The following SLC39A11 variants were observed in gnomAD, a reference collection of about 807,000 sequenced individuals.
SLC39A11 encodes zinc transporter ZIP11.
Under a neutral mutation model 36.1 loss-of-function variants are expected in SLC39A11, and 33 were observed. The ratio of observed to expected loss-of-function variants is 0.91; its 90% CI spans 0.69 to 1.22. The LOEUF is 1.22. Ranked by LOEUF, SLC39A11 falls within the 50% of genes most tolerant of loss-of-function variation. SLC39A11 has a pLI of 0.00. For synonymous variants in SLC39A11, 166 were observed against 170.3 expected (o/e 0.97, Z 0.20); for missense variants, 432 against 430.3 (o/e 1.00, Z -0.03).
intron 7 of SLC39A11, among the ~76,000 whole-genome samples, chr17:72,660,409 C>T (rs781180118): frequency 6.6e-6 from 1 of 152,218 alleles, no homozygotes; most frequent in Admixed American, 6.5e-5. Context: ...TCATGAGCAG[C>T]TTTCACCATT....
chr17:73,036,308 C>T (rs996198761), intron 3 of SLC39A11, among the ~76,000 whole-genome samples: 5 of 152,140 alleles, frequency 3.3e-5, no homozygotes, highest in African/African-American at 9.7e-5. Context: ...CTGACATAGG[C>T]CTACCTGTCC....
intron 3 of SLC39A11, among the ~76,000 whole-genome samples, chr17:73,042,442 C>T (rs1217308801): frequency 2.0e-5 from 3 of 152,148 alleles, no homozygotes; most frequent in African/African-American, 7.2e-5. Context: ...AGACTCTAAC[C>T]TCAAGGAGGT....
At chr17:72,908,986 G>A (rs894887210) in intron 5 of SLC39A11, among the ~76,000 whole-genome samples, 3 of 152,288 alleles carry the variant, frequency 2.0e-5, no homozygotes, top group South Asian at 2.1e-4. Flanking sequence ...ACATTCAAAC[G>A]GAACCCCAAA....
rs574057838 is a variant in SLC39A11, at chr17:72,815,056, G to T, written c.601+34578C>A. 2.0e-5 allele frequency among the ~76,000 whole-genome samples: 3 copies of T among 152,326 alleles called. 1 individual carries two copies. The highest frequency in any genetic ancestry group is 7.2e-5 in the African/African-American group (3 of 41,578). On this transcript the variant is annotated intron_variant, in intron 6 of 9. Transcript: ENST00000255559. ...ACCCACATCTTGTCCACTGCAGGCT[G>T]CCAAGGCTAAAGCAACCCAGGAGTT...
chr17:72,705,984 T>C lies in SLC39A11; in HGVS notation c.671+30666A>G, dbSNP rs372113030. ...TTTTATTCCAAGGCCCCCAGAAAAC[T>C]TTCAGCTATTTTCTGGTCCCCAGGA... On this transcript the variant is annotated intron_variant, in intron 7 of 9. Coordinates refer to ENST00000255559, the MANE Select transcript of SLC39A11 (RefSeq NM_139177.4). Among the ~76,000 whole-genome samples, 247 of 152,292 alleles carry C rather than the reference T, an allele frequency of 1.6e-3. 1 individual carries two copies. Among genetic ancestry groups the C allele is most frequent in the Non-Finnish European group, 2.8e-3 (188 of 68,028 alleles).
At chr17:72,801,379 C>T (rs1298166297) in intron 6 of SLC39A11, among the ~76,000 whole-genome samples, 5 of 152,208 alleles carry the variant, frequency 3.3e-5, no homozygotes, top group Non-Finnish European at 2.9e-5. Context: ...TGCCATGACA[C>T]CTGGCTAACT....
At chr17:73,040,384 T>A (rs192808191) in intron 3 of SLC39A11, among the ~76,000 whole-genome samples, 76 of 152,328 alleles carry the variant, frequency 5.0e-4, no homozygotes, top group African/African-American at 1.8e-3. Flanking sequence ...TACGCCTCCC[T>A]CTGCTGTAAA....
chr17:73,070,648 A>C (rs2015294), intron 3 of SLC39A11, among the ~76,000 whole-genome samples: 1 of 151,934 alleles, frequency 6.6e-6, no homozygotes, highest in East Asian at 1.9e-4. Flanking sequence ...CCTTATCTTC[A>C]ATTGTAGCTT....
At chr17:72,943,199 G>A (rs575890288) in intron 5 of SLC39A11, among the ~76,000 whole-genome samples, 9 of 152,322 alleles carry the variant, frequency 5.9e-5, no homozygotes, top group South Asian at 2.1e-4. Context: ...TTGCTGATCC[G>A]GGGTTGGGCA....
chr17:72,920,305 T>A (rs2083581583), intron 5 of SLC39A11, among the ~76,000 whole-genome samples: 1 of 146,176 alleles, frequency 6.8e-6, no homozygotes, highest in African/African-American at 2.5e-5. Context: ...CTAGGACTTC[T>A]GAAGGCTTGT....
intron 3 of SLC39A11, among the ~76,000 whole-genome samples, chr17:73,076,563 A>G (rs2060326269): frequency 6.6e-6 from 1 of 152,154 alleles, no homozygotes; most frequent in South Asian, 2.1e-4. Context: ...GCAAGGTACA[A>G]TGGGACCCCG....
chr17:72,927,381 A>G (rs1308547350), intron 5 of SLC39A11, among the ~76,000 whole-genome samples: 1 of 152,180 alleles, frequency 6.6e-6, no homozygotes, highest in Non-Finnish European at 1.5e-5. Flanking sequence ...GATTTGAACC[A>G]GTGTTCACTG....
At chr17:73,052,695 C>T (rs758063040) in intron 3 of SLC39A11, among the ~76,000 whole-genome samples, 2 of 152,128 alleles carry the variant, frequency 1.3e-5, no homozygotes. Context: ...GAAAAGAGGG[C>T]AGGACCATGG....
chr17:72,800,863 C>T (rs1391710850), intron 6 of SLC39A11, among the ~76,000 whole-genome samples: 1 of 152,000 alleles, frequency 6.6e-6, no homozygotes, highest in Non-Finnish European at 1.5e-5. Context: ...AGAATTTAGA[C>T]AGAATGAAAA....
intron 4 of SLC39A11, among the ~76,000 whole-genome samples, chr17:72,985,532 C>T (rs1474018694): frequency 1.3e-5 from 2 of 151,476 alleles, no homozygotes; most frequent in Non-Finnish European, 2.9e-5. Context: ...CCTGCCTCAG[C>T]CTCCCGAGTA....
intron 7 of SLC39A11, among the ~76,000 whole-genome samples, chr17:72,706,684 C>T (rs2072907090): frequency 1.3e-5 from 2 of 152,214 alleles, no homozygotes; most frequent in Non-Finnish European, 2.9e-5. Context: ...CAAGTTAGAG[C>T]TTGCTTAATT....
chr17:72,942,415 TTTCA>T (rs2085169631), intron 5 of SLC39A11, among the ~76,000 whole-genome samples: 1 of 152,196 alleles, frequency 6.6e-6, no homozygotes, highest in Non-Finnish European at 1.5e-5. Flanking sequence ...GAAAATACTC[TTTCA>T]TTTTTAGAGA....
chr17:72,884,090 G>C (rs970721031), intron 5 of SLC39A11, among the ~76,000 whole-genome samples: 3 of 152,184 alleles, frequency 2.0e-5, no homozygotes, highest in Admixed American at 2.0e-4. Context: ...GGAGGTCAAA[G>C]CTGCAGTGAG....
intron 4 of SLC39A11, among the ~76,000 whole-genome samples, chr17:72,995,824 C>T (rs1568089961): frequency 6.6e-6 from 1 of 152,216 alleles, no homozygotes; most frequent in Non-Finnish European, 1.5e-5. Flanking sequence ...GCCTCCATAA[C>T]TGTGCAAACC....
Sources: gnomAD v4.1 joint callset for allele counts (sites outside exome capture counted in the v4.1 genomes callset) on GRCh38, gnomAD v4.1.1 for gene constraint, MANE v1.5 for transcripts, NCBI Gene and HGNC (gene_info 2026-07-23, HGNC 2026-07-21) for gene names.